RIMS2: variants seen among roughly 807,000 people sequenced by gnomAD.
The protein encoded by RIMS2 is regulating synaptic membrane exocytosis protein 2.
RIMS2 carries 59 observed loss-of-function variants against 174.4 expected under a neutral mutation model. The observed-to-expected ratio is 0.34, with a 90% CI of 0.27 to 0.42. RIMS2 has a LOEUF of 0.42. Among genes scored for constraint, RIMS2 ranks in the 10% least tolerant of loss-of-function variants. RIMS2 has a pLI of 1.00. For missense variants in RIMS2, 1,620 were observed against 1,666.3 expected, an observed-to-expected ratio of 0.97 and a Z score of 0.48; for synonymous variants, 606 against 572.5, an observed-to-expected ratio of 1.06 and a Z score of -0.84.
rs114604748 is a variant in RIMS2, at chr8:104,213,826, G to A, written c.3335-31090G>A. ...CCAGAGGCAGAGGTTGTAGTGAACC[G>A]AGATTGAGCCACTGTACTCCAGCCT... On this transcript the variant is annotated intron_variant, in intron 19 of 23. Coordinates refer to ENST00000504942, the Ensembl canonical transcript of RIMS2. Among the ~76,000 whole-genome samples, 370 of 150,958 alleles carry A rather than the reference G, an allele frequency of 2.5e-3. 1 individual carries two copies. The highest frequency in any genetic ancestry group is 8.8e-3 in the African/African-American group (361 of 41,064).
At chr8:103,530,187 T>C (rs1836331879) in intron 1 of RIMS2, among the ~76,000 whole-genome samples, 2 of 152,202 alleles carry the variant, frequency 1.3e-5, no homozygotes, top group Non-Finnish European at 2.9e-5. Context: ...GAAGTAAACA[T>C]ATCACATATG....
At chr8:103,614,120 AGTCCTT>A in intron 1 of RIMS2, among the ~76,000 whole-genome samples, 1 of 152,340 alleles carries the variant, frequency 6.6e-6, no homozygotes, top group South Asian at 2.1e-4. Flanking sequence ...TAGGAATTGC[AGTCCTT>A]GTGTCCTAGA....
chr8:103,759,631 C>T (rs921593857), intron 2 of RIMS2, among the ~76,000 whole-genome samples: 5 of 151,520 alleles, frequency 3.3e-5, no homozygotes, highest in Non-Finnish European at 5.9e-5. Flanking sequence ...GACTTGACTT[C>T]CAGAACTGTC....
chr8:104,224,211 T>A (rs1285282685), intron 19 of RIMS2, among the ~76,000 whole-genome samples: 1 of 152,170 alleles, frequency 6.6e-6, no homozygotes. Context: ...GAAACAGGAA[T>A]GTCAGCCTAT....
chr8:103,913,431 C>A (rs535019174), intron 6 of RIMS2, among the ~76,000 whole-genome samples: 2 of 152,112 alleles, frequency 1.3e-5, no homozygotes, highest in South Asian at 4.1e-4. Context: ...GAGACTCTGT[C>A]TCTCTCTAAA....
chr8:104,174,185 G>A (rs946637794), intron 19 of RIMS2, among the ~76,000 whole-genome samples: 1 of 152,086 alleles, frequency 6.6e-6, no homozygotes, highest in African/African-American at 2.4e-5. Context: ...GACCTCAGGT[G>A]ATCCATCCGC....
chr8:103,607,788 C>T (rs376230826), intron 1 of RIMS2, among the ~76,000 whole-genome samples: 7 of 134,850 alleles, frequency 5.2e-5, no homozygotes, highest in African/African-American at 8.9e-5. Flanking sequence ...TCCAGTTGAT[C>T]GCATCGGCTC....
intron 2 of RIMS2, among the ~76,000 whole-genome samples, chr8:103,764,830 T>C (rs766304380): frequency 2.0e-4 from 31 of 152,150 alleles, no homozygotes; most frequent in Non-Finnish European, 3.7e-4. Flanking sequence ...CTATAATTTA[T>C]AAGGTTTTAT....
At chr8:103,634,689 TC>T in intron 1 of RIMS2, among the ~76,000 whole-genome samples, 1 of 152,346 alleles carries the variant, frequency 6.6e-6, no homozygotes, top group African/African-American at 2.4e-5. Flanking sequence ...GCTTTATGAA[TC>T]TGGTTGCTCC....
chr8:103,561,444 T>C (rs1390903597), intron 1 of RIMS2, among the ~76,000 whole-genome samples: 2 of 152,218 alleles, frequency 1.3e-5, no homozygotes, highest in Non-Finnish European at 2.9e-5. Flanking sequence ...TGATATTTGA[T>C]TTATTGCTTC....
chr8:103,899,544 T>C (rs2099314972), intron 4 of RIMS2, among the ~76,000 whole-genome samples: 1 of 151,792 alleles, frequency 6.6e-6, no homozygotes, highest in African/African-American at 2.4e-5. Context: ...TCTTTTCATA[T>C]CCTTTGCCCA....
At chr8:104,143,075 A>G (rs1356783214) in intron 19 of RIMS2, among the ~76,000 whole-genome samples, 1 of 152,186 alleles carries the variant, frequency 6.6e-6, no homozygotes. Flanking sequence ...AACCAAAACC[A>G]AGTTCTTATG....
At chr8:103,601,613 C>G (rs1409810041) in intron 1 of RIMS2, among the ~76,000 whole-genome samples, 1 of 150,882 alleles carries the variant, frequency 6.6e-6, no homozygotes, top group African/African-American at 2.4e-5. Context: ...TTTTTTTCAT[C>G]TATTCAGCCA....
In RIMS2 at chr8:103,850,675, C is replaced by G. The variant is rs190048193; in HGVS notation, c.699-34623C>G. Among the ~76,000 whole-genome samples the G allele has an allele frequency of 8.7e-4, 133 of 152,064 alleles. 1 individual carries two copies. In the South Asian group the frequency reaches 0.012, roughly 14 times the overall value. On this transcript the variant is annotated intron_variant, in intron 3 of 23. Transcript: ENST00000504942. ...GATGACTATGACTTTGTACTTTTAC[C>G]TTGTATTTATATTTCTGGCTACAAC...
At chr8:103,614,519 G>A (rs756073545) in intron 1 of RIMS2, among the ~76,000 whole-genome samples, 19 of 152,198 alleles carry the variant, frequency 1.2e-4, no homozygotes, top group Middle Eastern at 3.2e-3. Flanking sequence ...TAGATTTTTG[G>A]TTATTGAGAT....
At chr8:103,672,909 T>C (rs1224912346) in intron 1 of RIMS2, among the ~76,000 whole-genome samples, 1 of 152,210 alleles carries the variant, frequency 6.6e-6, no homozygotes, top group Non-Finnish European at 1.5e-5. Context: ...CTTTTACCTG[T>C]GAGCCTGTAA....
intron 1 of RIMS2, among the ~76,000 whole-genome samples, chr8:103,625,124 G>T (rs2095749398): frequency 6.6e-6 from 1 of 151,946 alleles, no homozygotes; most frequent in Admixed American, 6.6e-5. Context: ...GGGGAAGGAG[G>T]TTGGATATGT....
chr8:103,789,022 T>C (rs895095140), intron 3 of RIMS2, among the ~76,000 whole-genome samples: 2 of 152,082 alleles, frequency 1.3e-5, no homozygotes, highest in African/African-American at 4.8e-5. Flanking sequence ...CGGGTGGGAG[T>C]GACCCGATTT....
intron 1 of RIMS2, among the ~76,000 whole-genome samples, chr8:103,517,720 T>G (rs1829661011): frequency 6.6e-6 from 1 of 152,024 alleles, no homozygotes; most frequent in African/African-American, 2.4e-5. Context: ...GTGGAGGCAA[T>G]GGAAGGCTGC....
Sources: allele counts gnomAD v4.1 joint callset (sites outside exome capture counted in the v4.1 genomes callset), GRCh38; gene constraint gnomAD v4.1.1; transcripts MANE v1.5; gene names NCBI Gene and HGNC (gene_info 2026-07-23, HGNC 2026-07-21).